KIAA1217: variants seen among roughly 807,000 people sequenced by gnomAD.
KIAA1217 encodes the protein KIAA1217, also known as sickle tail protein homolog.
KIAA1217 carries 88 observed loss-of-function variants against 163.9 expected under a neutral mutation model. The ratio of observed to expected loss-of-function variants is 0.54; its 90% confidence interval spans 0.45 to 0.64. The LOEUF (loss-of-function observed/expected upper bound fraction) is 0.64. Ranked by LOEUF, KIAA1217 falls within the 30% of genes least tolerant of loss-of-function variation. The pLI, the probability that KIAA1217 is intolerant of heterozygous loss-of-function variation, is 0.00. For synonymous variants in KIAA1217, 903 were observed against 923.1 expected (o/e 0.98, Z 0.39); for missense variants, 2,372 against 2,475.0 (o/e 0.96, Z 0.88).
rs759864132 is a variant in KIAA1217 at position 24,433,064 on chromosome 10, A to G, written c.623A>G (p.Asp208Gly). Residue 208 changes from aspartate (D) to glycine (G), a missense_variant, in exon 4 of 21, where the codon GAC becomes GGC. Physicochemically the swap from Asp to Gly is moderately conservative, Grantham distance 94. Coordinates refer to ENST00000376454, the MANE Select transcript of KIAA1217 (RefSeq NM_019590.5). Reference protein sequence around the residue: ...LRMPNEITSADTIRALFVSAF... With the variant: ...LRMPNEITSAGTIRALFVSAF... ...ATGCCGAATGAAATCACAAGTGCAG[A>G]CACAATCCGTGCTCTCTTCGTAAGT... 2.5e-6 allele frequency: 4 copies of G among 1,614,144 alleles called. No homozygotes were observed. Among genetic ancestry groups the G allele is most frequent in the East Asian group, 2.2e-5 (1 of 44,856 alleles).
intron 1 of KIAA1217, among the ~76,000 whole-genome samples, chr10:23,705,354 G>T (rs1459759099): frequency 6.6e-6 from 1 of 151,900 alleles, no homozygotes; most frequent in Non-Finnish European, 1.5e-5. Context: ...ATTTATTCCT[G>T]TGTTTTCTTC....
Position 24,543,682 on chromosome 10 carries a change from TAG to T in KIAA1217, c.4418_4419del (p.Arg1473AsnfsTer23). 6.2e-7 allele frequency: 1 copy of T among 1,613,532 alleles called. No individual in the cohort carries two copies. The highest frequency in any genetic ancestry group is 8.5e-7 in the Non-Finnish European group (1 of 1,179,738). On this transcript the variant is annotated frameshift_variant, in exon 19 of 21. Transcript: ENST00000376454. LOFTEE classifies it high-confidence loss of function. ...ATCTTTGAGGAATGTGATGAGGAATTAGAGAGAATGATGATGGAGGAAAAGAT... is the reference window on the plus strand; with the variant it reads ...ATCTTTGAGGAATGTGATGAGGAATTAGAGAATGATGATGGAGGAAAAGAT...
chr10:23,737,353 C>T (rs980788133), intron 1 of KIAA1217, among the ~76,000 whole-genome samples: 6 of 149,224 alleles, frequency 4.0e-5, no homozygotes, highest in Non-Finnish European at 7.4e-5. Flanking sequence ...TGCGCACCAC[C>T]ATGCCTAGCT....
At chr10:24,329,209 C>G (rs901679890) in intron 2 of KIAA1217, among the ~76,000 whole-genome samples, 2 of 144,748 alleles carry the variant, frequency 1.4e-5, no homozygotes, top group African/African-American at 5.1e-5. Context: ...AAATAGTGTA[C>G]CTAGTATATA....
chr10:24,161,452 A>ACTTC (rs2065116984), intron 2 of KIAA1217, among the ~76,000 whole-genome samples: 1 of 152,174 alleles, frequency 6.6e-6, no homozygotes, highest in Non-Finnish European at 1.5e-5. Flanking sequence ...TGACTTTGTG[A>ACTTC]ACGCTGGGCT....
chr10:24,467,719 A>T (rs965870709), intron 5 of KIAA1217, among the ~76,000 whole-genome samples: 2 of 152,166 alleles, frequency 1.3e-5, no homozygotes, highest in African/African-American at 4.8e-5. Context: ...AGATGATAAG[A>T]TTAGTAGCAT....
At chr10:24,446,131 GTGA>G (rs1380370299) in intron 5 of KIAA1217, among the ~76,000 whole-genome samples, 1 of 152,200 alleles carries the variant, frequency 6.6e-6, no homozygotes, top group Non-Finnish European at 1.5e-5. Flanking sequence ...CTGATGGCCA[GTGA>G]TGATGAGCAT....
intron 2 of KIAA1217, among the ~76,000 whole-genome samples, chr10:24,319,919 C>A (rs1443169325): frequency 6.6e-6 from 1 of 152,164 alleles, no homozygotes; most frequent in Non-Finnish European, 1.5e-5. Flanking sequence ...ACCCTACATT[C>A]GGGAAAATGT....
At chr10:24,502,207 C>G (rs1404884913) in intron 9 of KIAA1217, among the ~76,000 whole-genome samples, 1 of 144,628 alleles carries the variant, frequency 6.9e-6, no homozygotes, top group Non-Finnish European at 1.5e-5. Context: ...CTCCTCCACA[C>G]TGAACGGGGA....
At chr10:23,830,737 G>A (rs766485645) in intron 1 of KIAA1217, among the ~76,000 whole-genome samples, 11 of 151,886 alleles carry the variant, frequency 7.2e-5, no homozygotes, top group Non-Finnish European at 1.6e-4. Flanking sequence ...TAGCTAGATA[G>A]ACAGATAGAT....
rs149792494 is a variant in KIAA1217, at chr10:23,898,164, C to T, written c.-320-109061C>T. On this transcript the variant is annotated intron_variant, in intron 1 of 18. Coordinates refer to the KIAA1217 transcript ENST00000376462. ...TAAATTCTGATTCTAACCAGGATAC[C>T]GGGTACTTTATTGTGAACGGAGTGA... Among the ~76,000 whole-genome samples the T allele has an allele frequency of 2.6e-5, 4 of 151,986 alleles. No individual in the cohort carries two copies. In the East Asian group the frequency reaches 7.8e-4, roughly 30 times the overall value.
At chr10:24,476,133 C>G (rs1026134905) in intron 6 of KIAA1217, among the ~76,000 whole-genome samples, 2 of 152,118 alleles carry the variant, frequency 1.3e-5, no homozygotes, top group Non-Finnish European at 2.9e-5. Context: ...ATGTAATATT[C>G]TTTTGGGAAT....
chr10:24,502,985 C>CA (rs985753224), intron 9 of KIAA1217, among the ~76,000 whole-genome samples: 16 of 151,804 alleles, frequency 1.1e-4, no homozygotes, highest in South Asian at 1.0e-3. Context: ...GACTATGTCT[C>CA]AAAAAAAACA....
intron 2 of KIAA1217, among the ~76,000 whole-genome samples, chr10:24,104,101 T>C (rs1175855920): frequency 6.6e-6 from 1 of 152,210 alleles, no homozygotes; most frequent in Admixed American, 6.5e-5. Flanking sequence ...GAAGGCAGTT[T>C]GGCAGTTTCT....
intron 1 of KIAA1217, among the ~76,000 whole-genome samples, chr10:23,832,956 T>G (rs1202884881): frequency 6.6e-6 from 1 of 152,142 alleles, no homozygotes; most frequent in African/African-American, 2.4e-5. Flanking sequence ...TTCACTATCA[T>G]GAGAACAGCA....
intron 1 of KIAA1217, among the ~76,000 whole-genome samples, chr10:23,722,286 TG>T (rs1837913742): frequency 6.6e-6 from 1 of 152,128 alleles, no homozygotes; most frequent in African/African-American, 2.4e-5. Context: ...TGTGAGTGGG[TG>T]GGGGTGATAG....
chr10:23,858,467 G>C (rs959959522), intron 1 of KIAA1217, among the ~76,000 whole-genome samples: 1 of 151,722 alleles, frequency 6.6e-6, no homozygotes, highest in Admixed American at 6.6e-5. Context: ...ACATATGTGT[G>C]TGTGTATATA....
At chr10:23,938,012 G>C (rs1843605701) in intron 1 of KIAA1217, among the ~76,000 whole-genome samples, 1 of 152,158 alleles carries the variant, frequency 6.6e-6, no homozygotes, top group Non-Finnish European at 1.5e-5. Context: ...AGTTCACAGG[G>C]CATGGTATTA....
At chr10:23,870,528 G>A (rs1348831148) in intron 1 of KIAA1217, among the ~76,000 whole-genome samples, 2 of 152,058 alleles carry the variant, frequency 1.3e-5, no homozygotes, top group Non-Finnish European at 2.9e-5. Flanking sequence ...GGTGACATCA[G>A]CCAGGGTCGT....
Sources: allele counts gnomAD v4.1 joint callset (sites outside exome capture counted in the v4.1 genomes callset), GRCh38; gene constraint gnomAD v4.1.1; transcripts MANE v1.5; gene names NCBI Gene and HGNC (gene_info 2026-07-23, HGNC 2026-07-21).